Variants in FAM124A observed in about 807,000 individuals in gnomAD.
FAM124A encodes family with sequence similarity 124 member A.
Under a neutral mutation model 24.5 loss-of-function variants are expected in FAM124A, and 23 were observed. That is an observed-to-expected ratio of 0.94 (90% CI 0.68 to 1.33). The LOEUF is 1.33. FAM124A is among the 40% of genes most tolerant of loss of function. The pLI, the probability that FAM124A is intolerant of heterozygous loss-of-function variation, is 0.00. For synonymous variants in FAM124A, 287 were observed against 314.7 expected, an observed-to-expected ratio of 0.91 and a Z score of 0.93; for missense variants, 623 against 722.8, an observed-to-expected ratio of 0.86 and a Z score of 1.58.
chr13:51,281,100 T>G lies in FAM124A; in HGVS notation c.1485T>G (p.Arg495=). ...KRSSSSSATA[R]AAPPAPSTST... ...CTTCCAGCTCCTCAGCGACAGCTCG[T>G]GCTGCTCCCCCAGCTCCCAGCACCT... Residue 495 remains arginine (R), a synonymous_variant, in exon 4 of 4, where the codon CGT becomes CGG. Transcript: ENST00000322475. 6.2e-7 allele frequency: 1 copy of G among 1,614,074 alleles called. No homozygotes were observed. The highest frequency in any genetic ancestry group is 8.5e-7 in the Non-Finnish European group (1 of 1,180,022).
At chr13:51,225,570 T>A (rs1954307567) in intron 1 of FAM124A, among the ~76,000 whole-genome samples, 1 of 152,172 alleles carries the variant, frequency 6.6e-6, no homozygotes, top group Non-Finnish European at 1.5e-5. Context: ...GAAAGAAGAA[T>A]ATGAATCATT....
intron 2 of FAM124A, among the ~76,000 whole-genome samples, chr13:51,243,665 C>G (rs1344177047): frequency 6.6e-6 from 1 of 152,176 alleles, no homozygotes; most frequent in African/African-American, 2.4e-5. Context: ...TCCCAAGTAT[C>G]TGGGACTACA....
chr13:51,264,506 C>T (rs1566172299), intron 3 of FAM124A, among the ~76,000 whole-genome samples: 1 of 152,170 alleles, frequency 6.6e-6, no homozygotes, highest in Non-Finnish European at 1.5e-5. Flanking sequence ...CACCTGTAGT[C>T]CCAGTAACTT....
intron 3 of FAM124A, 175 bp downstream of exon 3, chr13:51,252,376 G>A (rs1227162203): frequency 5.0e-6 from 4 of 804,292 alleles, no homozygotes; most frequent in Non-Finnish European, 7.6e-6. Flanking sequence ...CAAAAGAGGG[G>A]GCAAGAAAGA....
intron 1 of FAM124A, among the ~76,000 whole-genome samples, chr13:51,224,587 G>C (rs1954298213): frequency 6.6e-6 from 1 of 152,174 alleles, no homozygotes; most frequent in Non-Finnish European, 1.5e-5. Flanking sequence ...CAGAGCCCTT[G>C]AATTTCAGTT....
intron 2 of FAM124A, 83 bp downstream of exon 2, chr13:51,231,462 T>A (rs1954376618): frequency 7.2e-7 from 1 of 1,395,576 alleles, no homozygotes; most frequent in Admixed American, 2.3e-5. Context: ...GTGTACATGG[T>A]TTTATAGTAG....
chr13:51,231,455 T>A, intron 2 of FAM124A, 76 bp downstream of exon 2: 2 of 1,455,784 alleles, frequency 1.4e-6, no homozygotes, highest in Non-Finnish European at 1.9e-6. Flanking sequence ...GCCATGTGTG[T>A]ACATGGTTTT....
At chr13:51,278,451 C>G (rs1954905526) in intron 3 of FAM124A, among the ~76,000 whole-genome samples, 1 of 152,182 alleles carries the variant, frequency 6.6e-6, no homozygotes, top group Non-Finnish European at 1.5e-5. Flanking sequence ...AAACTGACCC[C>G]TCTGCCACTG....
Position 51,282,430 on chromosome 13 carries a change from A to C in FAM124A, c.*1174A>C, listed in dbSNP as rs1203272203. The stretch of plus-strand genomic sequence containing the variant: ...TGGCTTTTCCTGCCTGTTATCTGCT[A>C]CTGTCACACCGTGAATGGTATTTGA... On this transcript the variant is annotated 3_prime_UTR_variant, in exon 4 of 4. Coordinates refer to ENST00000322475, the MANE Select transcript of FAM124A (RefSeq NM_001242312.2). The C allele has an allele frequency of 6.6e-6, 1 of 152,218 alleles. No individual in the cohort carries two copies. Among genetic ancestry groups the C allele is most frequent in the Non-Finnish European group, 1.5e-5 (1 of 68,046 alleles). The allele number at this position is 152,218 out of a possible 1,614,324, so 9.4% of individuals were successfully genotyped here.
intron 2 of FAM124A, among the ~76,000 whole-genome samples, chr13:51,236,171 T>C (rs927092747): frequency 2.6e-5 from 4 of 152,150 alleles, no homozygotes; most frequent in Non-Finnish European, 4.4e-5. Context: ...ATCACTCTTA[T>C]TGAGAGAAAA....
chr13:51,245,289 C>G (rs991779612), intron 2 of FAM124A: 1 of 634,280 alleles, frequency 1.6e-6, no homozygotes. Flanking sequence ...GGCCGCCCCC[C>G]ACTTTAATCT....
intron 3 of FAM124A, among the ~76,000 whole-genome samples, chr13:51,266,048 A>G (rs1452903109): frequency 6.6e-6 from 1 of 152,158 alleles, no homozygotes; most frequent in Non-Finnish European, 1.5e-5. Flanking sequence ...TTAAAATAAG[A>G]CAACTTCATC....
intron 2 of FAM124A, among the ~76,000 whole-genome samples, chr13:51,238,031 G>T (rs1483465380): frequency 6.6e-6 from 1 of 152,198 alleles, no homozygotes. Flanking sequence ...CATGTAGCTG[G>T]TAGGTGACAC....
intron 3 of FAM124A, among the ~76,000 whole-genome samples, chr13:51,278,263 G>T (rs1001004811): frequency 6.6e-6 from 1 of 152,206 alleles, no homozygotes; most frequent in Non-Finnish European, 1.5e-5. Flanking sequence ...GGTCCACTGA[G>T]GAGGAGTCTC....
intron 3 of FAM124A, among the ~76,000 whole-genome samples, chr13:51,280,172 G>T (rs754951524): frequency 6.6e-6 from 1 of 152,182 alleles, no homozygotes; most frequent in Non-Finnish European, 1.5e-5. Context: ...TTTGTTGAGC[G>T]CAATGGGCAT....
intron 1 of FAM124A, among the ~76,000 whole-genome samples, chr13:51,227,982 G>A (rs1270611324): frequency 6.6e-6 from 1 of 152,180 alleles, no homozygotes; most frequent in Non-Finnish European, 1.5e-5. Flanking sequence ...GGGAAATGCT[G>A]TATAGAAGAC....
intron 3 of FAM124A, among the ~76,000 whole-genome samples, chr13:51,256,338 G>A (rs569026523): frequency 4.6e-5 from 7 of 152,284 alleles, no homozygotes; most frequent in South Asian, 2.1e-4. Flanking sequence ...TGTGGAAGAC[G>A]CTCACCACTA....
intron 1 of FAM124A, among the ~76,000 whole-genome samples, chr13:51,222,968 G>T (rs1465832967): frequency 1.3e-5 from 2 of 152,152 alleles, no homozygotes; most frequent in South Asian, 4.1e-4. Flanking sequence ...AGAAAAGCAG[G>T]GTGGGACACC....
Position 51,251,458 on chromosome 13 carries a change from G to T in FAM124A, c.101-10G>T. ...ATTCATTCATCCATTCGTTTTTTGC[G>T]TGCCCCCAGGTGAGCTTTCCGTTGA... On this transcript the variant is annotated splice_polypyrimidine_tract_variant and intron_variant, in intron 2 of 3. Coordinates refer to ENST00000322475, the MANE Select transcript of FAM124A (RefSeq NM_001242312.2). The surrounding 1 kb of genome is among the most constrained non-coding windows in gnomAD (Gnocchi z 5.3). The T allele has an allele frequency of 1.3e-6, 2 of 1,485,264 alleles. No individual in the cohort carries two copies. The highest frequency in any genetic ancestry group is 1.8e-6 in the Non-Finnish European group (2 of 1,116,664). 92.0% of individuals were successfully genotyped at this position (1,485,264 alleles called of 1,614,324 possible).
Sources: allele counts gnomAD v4.1 joint callset (sites outside exome capture counted in the v4.1 genomes callset), GRCh38; gene constraint gnomAD v4.1.1; non-coding constraint Gnocchi (gnomAD v3.1); transcripts MANE v1.5; gene names NCBI Gene and HGNC (gene_info 2026-07-23, HGNC 2026-07-21).